SRGAP3: variants seen among roughly 807,000 people sequenced by gnomAD.
SRGAP3 encodes the protein SLIT-ROBO Rho GTPase activating protein 3.
In SRGAP3, 39 loss-of-function variants were observed where a neutral mutation model predicts 121.1. The ratio of observed to expected loss-of-function variants is 0.32; its 90% CI spans 0.25 to 0.42. The LOEUF is 0.42. Ranked by LOEUF, SRGAP3 falls within the 10% of genes least tolerant of loss-of-function variation. The probability of loss-of-function intolerance (pLI) is 1.00; values close to 1 mark genes in which losing one functional copy is unlikely to be tolerated. For synonymous variants in SRGAP3, 601 were observed against 570.0 expected, an observed-to-expected ratio of 1.05 and a Z score of -0.77; for missense variants, 1,213 against 1,470.6, an observed-to-expected ratio of 0.82 and a Z score of 2.86.
At chr3:9,200,611 T>A (rs1185290552) in intron 1 of SRGAP3, among the ~76,000 whole-genome samples, 2 of 152,080 alleles carry the variant, frequency 1.3e-5, no homozygotes, top group Non-Finnish European at 2.9e-5. Flanking sequence ...ACTGGATGAG[T>A]AGTTTCCCAG....
chr3:9,047,281 TG>T, intron 10 of SRGAP3, 109 bp downstream of exon 10: 1 of 1,129,726 alleles, frequency 8.9e-7, no homozygotes, highest in South Asian at 1.3e-5. Flanking sequence ...AGGTTCATTC[TG>T]CCAGGTGCCT....
intron 1 of SRGAP3, among the ~76,000 whole-genome samples, chr3:9,138,856 T>C (rs1445861394): frequency 6.6e-6 from 1 of 152,256 alleles, no homozygotes; most frequent in Non-Finnish European, 1.5e-5. Flanking sequence ...TGTCTTATTA[T>C]GAATGGGCAA....
intron 3 of SRGAP3, among the ~76,000 whole-genome samples, chr3:9,270,600 A>T (rs1053670782): frequency 6.6e-6 from 1 of 151,882 alleles, no homozygotes; most frequent in Non-Finnish European, 1.5e-5. Flanking sequence ...TCAGCAAAAG[A>T]AGTATCACTT....
chr3:9,055,779 T>C (rs1945790893), intron 8 of SRGAP3, among the ~76,000 whole-genome samples: 1 of 152,202 alleles, frequency 6.6e-6, no homozygotes, highest in Admixed American at 6.5e-5. Flanking sequence ...ACTAATAACA[T>C]TTAAGCATTT....
chr3:9,218,952 C>G lies in SRGAP3; in HGVS notation c.67+29933G>C, dbSNP rs1348377086. Among the ~76,000 whole-genome samples the G allele has an allele frequency of 6.6e-6, 1 of 152,102 alleles. No individual in the cohort carries two copies. Among genetic ancestry groups the G allele is most frequent in the South Asian group, 2.1e-4 (1 of 4,818 alleles). On this transcript the variant is annotated intron_variant, in intron 1 of 21. Coordinates refer to ENST00000383836, the MANE Select transcript of SRGAP3 (RefSeq NM_014850.4). The surrounding 1 kb of genome is among the most constrained non-coding windows in gnomAD (Gnocchi z 5.3). ...CCTCCCAAAGTGTTGGGATTACAGG[C>G]GTGAGCCACTGCGCCCAGCCTATTT...
intron 2 of SRGAP3, among the ~76,000 whole-genome samples, chr3:9,120,354 A>C (rs776569819): frequency 4.9e-4 from 74 of 152,368 alleles, no homozygotes; most frequent in Admixed American, 3.1e-3. Flanking sequence ...CAAAGGGCAC[A>C]GCCATGGGAT....
At chr3:9,211,469 C>T (rs1345097908) in intron 1 of SRGAP3, among the ~76,000 whole-genome samples, 1 of 152,164 alleles carries the variant, frequency 6.6e-6, no homozygotes, top group Non-Finnish European at 1.5e-5. Context: ...GGGATATCCC[C>T]CAGTGTTAAC....
At chr3:9,152,100 TTG>T (rs977929384) in intron 1 of SRGAP3, among the ~76,000 whole-genome samples, 1 of 152,210 alleles carries the variant, frequency 6.6e-6, no homozygotes, top group African/African-American at 2.4e-5. Flanking sequence ...GCAGGGATCA[TTG>T]TCTGTTTGAT....
intron 3 of SRGAP3, among the ~76,000 whole-genome samples, chr3:9,320,215 T>C (rs1022960409): frequency 1.3e-5 from 2 of 151,848 alleles, no homozygotes; most frequent in African/African-American, 4.8e-5. Flanking sequence ...ATCTCCCAGG[T>C]AGAGCTTCCC....
upstream of SRGAP3, chr3:9,249,658 A>G (rs1489287310): frequency 1.3e-5 from 3 of 233,720 alleles, no homozygotes; most frequent in African/African-American, 4.4e-5. Flanking sequence ...CTCGCCCTGC[A>G]GGGCTGGCTG....
At position 9,303,442 on chromosome 3, in the gene SRGAP3, A is replaced by G. The variant is rs369053597; in HGVS notation, n.442+22568T>C. ...TCCATCTCAAAAAAAAAAAAAAAAG[A>G]ACACTTAACATAAGACCTACCCTCT... On this transcript the variant is annotated intron_variant and non_coding_transcript_variant, in intron 3 of 3. Coordinates refer to the SRGAP3 transcript ENST00000490889. Among the ~76,000 whole-genome samples the G allele has an allele frequency of 2.6e-3, 387 of 151,616 alleles. 1 individual carries two copies. The highest frequency in any genetic ancestry group is 4.4e-3 in the South Asian group (21 of 4,794).
chr3:9,281,251 G>GCTT (rs780730523), intron 3 of SRGAP3, among the ~76,000 whole-genome samples: 8 of 152,172 alleles, frequency 5.3e-5, no homozygotes, highest in Admixed American at 1.3e-4. Context: ...CCTACTGGGA[G>GCTT]CTTCCTGAAG....
intron 1 of SRGAP3, among the ~76,000 whole-genome samples, chr3:9,199,804 C>A (rs561303114): frequency 2.2e-4 from 34 of 152,158 alleles, no homozygotes; most frequent in Non-Finnish European, 4.3e-4. Flanking sequence ...ATTATTCATT[C>A]TTTCTCGACA....
chr3:9,095,897 G>T (rs1947946817), intron 3 of SRGAP3, among the ~76,000 whole-genome samples: 1 of 151,748 alleles, frequency 6.6e-6, no homozygotes, highest in African/African-American at 2.4e-5. Context: ...GTGAGACCCT[G>T]TCTGTACAAA....
At chr3:9,237,338 T>C (rs1371855323) in intron 1 of SRGAP3, among the ~76,000 whole-genome samples, 1 of 152,094 alleles carries the variant, frequency 6.6e-6, no homozygotes, top group African/African-American at 2.4e-5. Context: ...TGAGTACAGG[T>C]CAGGAATGCT....
chr3:9,132,021 A>C (rs1949473215), intron 1 of SRGAP3, among the ~76,000 whole-genome samples: 1 of 151,476 alleles, frequency 6.6e-6, no homozygotes, highest in African/African-American at 2.4e-5. Flanking sequence ...GATTCCTCAT[A>C]CTCCCCACTG....
At chr3:9,076,179 C>T (rs953083326) in intron 4 of SRGAP3, among the ~76,000 whole-genome samples, 5 of 152,026 alleles carry the variant, frequency 3.3e-5, no homozygotes, top group African/African-American at 1.2e-4. Flanking sequence ...CCCAGTTGAA[C>T]CCTGCCCAAA....
chr3:9,304,418 A>G (rs1473672625), intron 3 of SRGAP3, among the ~76,000 whole-genome samples: 1 of 152,204 alleles, frequency 6.6e-6, no homozygotes, highest in Non-Finnish European at 1.5e-5. Flanking sequence ...AGAACGGTAG[A>G]ATGAAAATGG....
intron 3 of SRGAP3, among the ~76,000 whole-genome samples, chr3:9,284,489 G>A (rs993922045): frequency 7.2e-5 from 11 of 152,152 alleles, no homozygotes; most frequent in African/African-American, 1.2e-4. Context: ...CCATTCGTGC[G>A]AAAGTCAACA....
Sources: gnomAD v4.1 joint callset for allele counts (sites outside exome capture counted in the v4.1 genomes callset) on GRCh38, gnomAD v4.1.1 for gene constraint, Gnocchi (gnomAD v3.1) non-coding constraint, MANE v1.5 for transcripts, NCBI Gene and HGNC (gene_info 2026-07-23, HGNC 2026-07-21) for gene names.